Variants in MRPS28 observed in about 807,000 individuals in gnomAD.
The protein encoded by MRPS28 is mitochondrial ribosomal protein S28, also known as small ribosomal subunit protein bS1m.
A neutral mutation model predicts 10.8 loss-of-function variants in MRPS28; 7 were observed. The observed-to-expected ratio is 0.65, with a 90% CI of 0.37 to 1.22. MRPS28 has a LOEUF of 1.22. Ranked by LOEUF, MRPS28 falls within the 50% of genes most tolerant of loss-of-function variation. The pLI is 0.02. For missense variants in MRPS28, 265 were observed against 232.9 expected (o/e 1.14, Z -0.90); for synonymous variants, 121 against 93.3 (o/e 1.30, Z -1.71).
At chr8:79,939,691 C>T (rs1806707374) in intron 2 of MRPS28, among the ~76,000 whole-genome samples, 1 of 152,108 alleles carries the variant, frequency 6.6e-6, no homozygotes, top group Non-Finnish European at 1.5e-5. Flanking sequence ...TATATGTTGG[C>T]CGGGCACGGT....
intron 2 of MRPS28, among the ~76,000 whole-genome samples, chr8:79,994,277 A>G (rs1351843389): frequency 6.6e-6 from 1 of 152,200 alleles, no homozygotes; most frequent in East Asian, 1.9e-4. Context: ...CATATATACA[A>G]TATTATATTA....
chr8:79,923,927 G>A (rs568417632), intron 2 of MRPS28, among the ~76,000 whole-genome samples: 3 of 152,276 alleles, frequency 2.0e-5, no homozygotes, highest in South Asian at 4.1e-4. Context: ...CTTTGGAGAG[G>A]TTTCTGACAT....
chr8:80,012,609 C>G (rs1809083299), intron 1 of MRPS28, among the ~76,000 whole-genome samples: 2 of 152,194 alleles, frequency 1.3e-5, no homozygotes, highest in African/African-American at 4.8e-5. Context: ...TGAGCTGTCA[C>G]AGGTACTAAC....
At chr8:79,920,243 A>G (rs1359896767) in intron 2 of MRPS28, among the ~76,000 whole-genome samples, 2 of 152,204 alleles carry the variant, frequency 1.3e-5, no homozygotes, top group Non-Finnish European at 2.9e-5. Context: ...TGGTACCGCA[A>G]TAAACATACA....
chr8:79,930,638 A>C (rs1295136448), intron 2 of MRPS28, among the ~76,000 whole-genome samples: 3 of 152,210 alleles, frequency 2.0e-5, no homozygotes, highest in African/African-American at 7.2e-5. Context: ...ACAATGTGTT[A>C]CTTAGAATGT....
chr8:79,927,213 CTACATAAGGTTTACTGTCAT>C (rs1397095658), intron 2 of MRPS28, among the ~76,000 whole-genome samples: 14 of 152,182 alleles, frequency 9.2e-5, no homozygotes, highest in African/African-American at 3.4e-4. Flanking sequence ...TTTAGCTTGG[CTACATAAGGTTTACTGTCAT>C]TAAGGTTGTA....
chr8:79,997,416 C>A (rs1243099974), intron 2 of MRPS28, among the ~76,000 whole-genome samples: 1 of 152,134 alleles, frequency 6.6e-6, no homozygotes, highest in African/African-American at 2.4e-5. Flanking sequence ...ATAACAATAC[C>A]CACACTGCAA....
intron 2 of MRPS28, among the ~76,000 whole-genome samples, chr8:79,994,587 C>T (rs1024918259): frequency 1.8e-4 from 27 of 152,144 alleles, no homozygotes; most frequent in African/African-American, 5.3e-4. Context: ...CTTTCTCCAC[C>T]CTCAGATTTA....
At chr8:79,923,998 T>G (rs1445142248) in intron 2 of MRPS28, among the ~76,000 whole-genome samples, 1 of 152,216 alleles carries the variant, frequency 6.6e-6, no homozygotes, top group Non-Finnish European at 1.5e-5. Context: ...CTCACAGACT[T>G]AAAATAGAGA....
chr8:79,991,299 A>G (rs939918458), intron 2 of MRPS28, among the ~76,000 whole-genome samples: 2 of 152,218 alleles, frequency 1.3e-5, no homozygotes, highest in Non-Finnish European at 2.9e-5. Flanking sequence ...ACTTAAGAAA[A>G]TGGAGTGTCA....
At chr8:79,969,154 CTTG>C (rs1466757211) in intron 2 of MRPS28, among the ~76,000 whole-genome samples, 3 of 152,212 alleles carry the variant, frequency 2.0e-5, no homozygotes, top group Non-Finnish European at 2.9e-5. Context: ...AAGAGTTCCC[CTTG>C]TTAGTTGTGG....
intron 1 of MRPS28, among the ~76,000 whole-genome samples, chr8:80,021,422 T>C (rs538725216): frequency 6.6e-6 from 1 of 152,296 alleles, no homozygotes; most frequent in Non-Finnish European, 1.5e-5. Flanking sequence ...AGGAGAAACA[T>C]TATGCTAGAT....
Position 79,971,078 on chromosome 8 carries a change from C to T in MRPS28, c.395+31921G>A, listed in dbSNP as rs115041168. ...GATTTGTACTACCAAATCAGCATGC[C>T]AGCAATTTGGGAAACCATTGAATAA... On this transcript the variant is annotated intron_variant, in intron 2 of 2. Transcript: ENST00000276585. 1.5e-3 allele frequency among the ~76,000 whole-genome samples: 228 copies of T among 152,244 alleles called. 2 individuals carry two copies. The highest frequency in any genetic ancestry group is 5.2e-3 in the African/African-American group (217 of 41,544).
In MRPS28 at chr8:80,006,262, A is replaced by C. The variant is rs142022267; in HGVS notation, c.214-3082T>G. On this transcript the variant is annotated intron_variant, in intron 1 of 2. Coordinates refer to ENST00000276585, the MANE Select transcript of MRPS28 (RefSeq NM_014018.3). ...AAAGCACTCCTCAGCAAATGTAAAA[A>C]AGAAATGATAACAAACTGTCTCAGA... 6.4e-3 allele frequency among the ~76,000 whole-genome samples: 973 copies of C among 152,018 alleles called. 8 individuals carry two copies. The highest frequency in any genetic ancestry group is 0.022 in the African/African-American group (909 of 41,536).
At chr8:79,938,304 C>T (rs1360634877) in intron 2 of MRPS28, among the ~76,000 whole-genome samples, 2 of 151,962 alleles carry the variant, frequency 1.3e-5, no homozygotes, top group East Asian at 1.9e-4. Context: ...TCTTCTCACA[C>T]AAACAACTTT....
chr8:80,012,468 C>G (rs1809076615), intron 1 of MRPS28, among the ~76,000 whole-genome samples: 1 of 152,182 alleles, frequency 6.6e-6, no homozygotes, highest in Non-Finnish European at 1.5e-5. Context: ...TATAAAGTCT[C>G]TAAACTAACA....
At chr8:79,939,778 A>G (rs376767594) in intron 2 of MRPS28, among the ~76,000 whole-genome samples, 2 of 151,946 alleles carry the variant, frequency 1.3e-5, no homozygotes, top group South Asian at 2.1e-4. Flanking sequence ...AGACCATCCT[A>G]GCTAACATGG....
intron 2 of MRPS28, among the ~76,000 whole-genome samples, chr8:79,960,048 C>G (rs1379346927): frequency 1.3e-5 from 2 of 152,098 alleles, no homozygotes; most frequent in African/African-American, 2.4e-5. Flanking sequence ...GGTGCAGTCT[C>G]AGAGAGACCA....
intron 1 of MRPS28, among the ~76,000 whole-genome samples, chr8:80,019,326 T>A (rs550003316): frequency 1.6e-4 from 24 of 147,424 alleles, no homozygotes; most frequent in African/African-American, 5.8e-4. Flanking sequence ...ATACACCTAC[T>A]ATGTACCCAC....
Sources: gnomAD v4.1 joint callset for allele counts (sites outside exome capture counted in the v4.1 genomes callset) on GRCh38, gnomAD v4.1.1 for gene constraint, MANE v1.5 for transcripts, NCBI Gene and HGNC (gene_info 2026-07-23, HGNC 2026-07-21) for gene names.